The following PREX1 variants were observed in gnomAD, a reference collection of about 807,000 sequenced individuals.
PREX1 encodes phosphatidylinositol 3,4,5-trisphosphate-dependent Rac exchanger 1 protein.
In PREX1, 41 loss-of-function variants were observed where a neutral mutation model predicts 198.3. The observed-to-expected ratio is 0.21, with a 90% CI of 0.16 to 0.27. The LOEUF (loss-of-function observed/expected upper bound fraction) is 0.27. PREX1 is among the 10% of genes least tolerant of loss of function. The probability of loss-of-function intolerance (pLI) is 1.00; values close to 1 mark genes in which losing one functional copy is unlikely to be tolerated. For missense variants in PREX1, 1,620 were observed against 2,200.7 expected (o/e 0.74, Z 5.28); for synonymous variants, 843 against 887.2 (o/e 0.95, Z 0.89).
At chr20:48,727,374 T>C (rs1285590884) in intron 4 of PREX1, among the ~76,000 whole-genome samples, 1 of 152,138 alleles carries the variant, frequency 6.6e-6, no homozygotes, top group African/African-American at 2.4e-5. Context: ...GTGTTCTCCA[T>C]GTCAATACTT....
the PREX1 span, among the ~76,000 whole-genome samples, chr20:48,881,365 AGTTCAAT>A: frequency 6.6e-6 from 1 of 152,234 alleles, no homozygotes; most frequent in Admixed American, 6.5e-5. Context: ...CTTGCTTTTA[AGTTCAAT>A]TGACAGGTGG....
At chr20:48,840,980 G>C in the PREX1 span, among the ~76,000 whole-genome samples, 3 of 149,044 alleles carry the variant, frequency 2.0e-5, no homozygotes, top group Non-Finnish European at 4.4e-5. Context: ...AAAAAAAAAT[G>C]TGCAGATGGG....
the PREX1 span, among the ~76,000 whole-genome samples, chr20:48,835,595 A>G: frequency 2.6e-5 from 4 of 152,238 alleles, no homozygotes; most frequent in African/African-American, 7.2e-5. Flanking sequence ...TCCGGGCAGC[A>G]GGAACAGCAG....
chr20:48,665,416 A>G (rs559133920), intron 15 of PREX1, among the ~76,000 whole-genome samples: 1 of 149,352 alleles, frequency 6.7e-6, no homozygotes, highest in Non-Finnish European at 1.5e-5. Context: ...GATGGCCTGA[A>G]TTCTAATCCT....
chr20:48,626,037 A>C, intron 39 of PREX1, 110 bp from the exon 40 acceptor site: 2 of 1,187,382 alleles, frequency 1.7e-6, no homozygotes, highest in Non-Finnish European at 2.3e-6. Context: ...ACCCAAACTC[A>C]CAGGTATATA....
intron 14 of PREX1, among the ~76,000 whole-genome samples, chr20:48,668,174 T>C (rs756706297): frequency 1.3e-5 from 2 of 152,058 alleles, no homozygotes; most frequent in Admixed American, 6.6e-5. Context: ...TGCATGCGCA[T>C]GTGCAGGTGG....
At chr20:48,885,912 G>A in the PREX1 span, among the ~76,000 whole-genome samples, 2 of 152,156 alleles carry the variant, frequency 1.3e-5, no homozygotes, top group Non-Finnish European at 2.9e-5. Context: ...AGAGAAAAGG[G>A]AGAGATGAAT....
chr20:48,831,024 G>A (rs2090536113), upstream of PREX1, among the ~76,000 whole-genome samples: 1 of 152,194 alleles, frequency 6.6e-6, no homozygotes, highest in South Asian at 2.1e-4. Context: ...TGAGGCTGGT[G>A]TAGGACTTCA....
the PREX1 span, among the ~76,000 whole-genome samples, chr20:48,866,015 C>T: frequency 0.029 from 4,378 of 149,412 alleles, 233 homozygotes; most frequent in African/African-American, 0.1. Flanking sequence ...ATGGTGAGAT[C>T]GTAACTCACT....
At chr20:48,692,644 G>A in intron 8 of PREX1, 28 bp downstream of exon 8, 4 of 1,577,450 alleles carry the variant, frequency 2.5e-6, no homozygotes, top group Non-Finnish European at 3.5e-6. Flanking sequence ...CTCAGGCAGG[G>A]CTCAGGCAAG....
chr20:48,632,331 T>C lies in PREX1; in HGVS notation c.4472A>G (p.Gln1491Arg). ...PGSQAAEDLQQDINAQSLEKV... is the reference protein window; with the variant it reads ...PGSQAAEDLQRDINAQSLEKV... ...CTCCAGGGACTGCGCGTTGATGTCC[T>C]GCTGCAAATCCTCCGCGGCCTGGCT... Residue 1491 changes from glutamine to arginine, a missense_variant, in exon 35 of 40, where the codon CAG becomes CGG. Transcript: ENST00000371941. 1.2e-6 allele frequency: 2 copies of C among 1,614,106 alleles called. No homozygotes were observed. Among genetic ancestry groups the C allele is most frequent in the Non-Finnish European group, 1.7e-6 (2 of 1,180,016 alleles).
chr20:48,675,990 C>T (rs1027695403), intron 14 of PREX1, among the ~76,000 whole-genome samples: 4 of 151,078 alleles, frequency 2.6e-5, no homozygotes, highest in Non-Finnish European at 5.9e-5. Flanking sequence ...TGAGCTAAGA[C>T]TGCACTACTG....
intron 1 of PREX1, among the ~76,000 whole-genome samples, chr20:48,796,305 T>TAA (rs869122867): frequency 2.2e-5 from 3 of 134,118 alleles, no homozygotes; most frequent in Admixed American, 7.5e-5. Context: ...TAATAATAAT[T>TAA]AAAAAAAAAA....
At chr20:48,708,196 G>A in intron 6 of PREX1, 64 bp downstream of exon 6, 2 of 1,560,088 alleles carry the variant, frequency 1.3e-6, no homozygotes, top group East Asian at 2.3e-5. Flanking sequence ...CTCAGTTCAT[G>A]ACTGCACCTG....
intron 1 of PREX1, among the ~76,000 whole-genome samples, chr20:48,814,567 A>T (rs1411163757): frequency 1.3e-5 from 2 of 152,136 alleles, no homozygotes; most frequent in African/African-American, 4.8e-5. Flanking sequence ...ATAGAAAGAA[A>T]TGTGGTGGGG....
chr20:48,755,914 GT>G (rs1036929327), intron 1 of PREX1, among the ~76,000 whole-genome samples: 2 of 152,108 alleles, frequency 1.3e-5, no homozygotes, highest in Non-Finnish European at 2.9e-5. Context: ...ATAAATGCAT[GT>G]TTTTATTTTT....
chr20:48,874,650 G>C, the PREX1 span, among the ~76,000 whole-genome samples: 1 of 152,104 alleles, frequency 6.6e-6, no homozygotes, highest in Non-Finnish European at 1.5e-5. Flanking sequence ...GCTAAGGCAG[G>C]CAGATGACTT....
At chr20:48,879,600 A>G in the PREX1 span, among the ~76,000 whole-genome samples, 1 of 152,332 alleles carries the variant, frequency 6.6e-6, no homozygotes, top group Non-Finnish European at 1.5e-5. Context: ...TATTTTTAAT[A>G]TCACCTCTGG....
At chr20:48,845,234 G>T in the PREX1 span, among the ~76,000 whole-genome samples, 1 of 152,168 alleles carries the variant, frequency 6.6e-6, no homozygotes, top group East Asian at 1.9e-4. Flanking sequence ...GTTAGAGGGA[G>T]ATATTAAACA....
Sources: gnomAD v4.1 joint callset for allele counts (sites outside exome capture counted in the v4.1 genomes callset) on GRCh38, gnomAD v4.1.1 for gene constraint, MANE v1.5 for transcripts, NCBI Gene and HGNC (gene_info 2026-07-23, HGNC 2026-07-21) for gene names.